Variants in FBXL17 observed in about 807,000 individuals in gnomAD.
The protein encoded by FBXL17 is F-box/LRR-repeat protein 17.
A neutral mutation model predicts 66.2 loss-of-function variants in FBXL17; 22 were observed. The ratio of observed to expected loss-of-function variants is 0.33; its 90% CI spans 0.24 to 0.47. The LOEUF (loss-of-function observed/expected upper bound fraction) is 0.47, where lower values mean the gene tolerates loss of function less well. Ranked by LOEUF, FBXL17 falls within the 20% of genes least tolerant of loss-of-function variation. FBXL17 has a pLI of 1.00. For missense variants in FBXL17, 878 were observed against 948.2 expected (o/e 0.93, Z 0.97); for synonymous variants, 474 against 400.5 (o/e 1.18, Z -2.19).
At chr5:107,883,780 AAC>A (rs1237048907) in intron 7 of FBXL17, among the ~76,000 whole-genome samples, 1 of 152,198 alleles carries the variant, frequency 6.6e-6, no homozygotes, top group Non-Finnish European at 1.5e-5. Flanking sequence ...CAACAACTGT[AAC>A]AGAGGCACGC....
At chr5:107,933,293 G>A (rs1332631448) in intron 7 of FBXL17, among the ~76,000 whole-genome samples, 1 of 152,224 alleles carries the variant, frequency 6.6e-6, no homozygotes, top group Admixed American at 6.5e-5. Flanking sequence ...AGTTTCACAG[G>A]TCTGTTCAAA....
chr5:107,998,912 C>T (rs1753595427), intron 7 of FBXL17, among the ~76,000 whole-genome samples: 1 of 152,176 alleles, frequency 6.6e-6, no homozygotes, highest in African/African-American at 2.4e-5. Flanking sequence ...TTACTCCAAA[C>T]CCCCTTTCCA....
chr5:108,291,617 T>C (rs1430983773), intron 4 of FBXL17, among the ~76,000 whole-genome samples: 2 of 152,220 alleles, frequency 1.3e-5, no homozygotes, highest in East Asian at 3.8e-4. Context: ...TTGGGACCAG[T>C]ATGCTAACTT....
At chr5:108,087,610 T>A (rs561578365) in intron 6 of FBXL17, among the ~76,000 whole-genome samples, 54 of 152,198 alleles carry the variant, frequency 3.5e-4, no homozygotes, top group Non-Finnish European at 7.8e-4. Context: ...CCAATCTCGA[T>A]CTCAGTGTCT....
intron 6 of FBXL17, among the ~76,000 whole-genome samples, chr5:108,112,349 C>A (rs1188041154): frequency 6.6e-6 from 1 of 152,202 alleles, no homozygotes; most frequent in African/African-American, 2.4e-5. Flanking sequence ...AAATGACCTG[C>A]TAATTCACAG....
chr5:108,205,082 A>AT (rs1187960056), intron 5 of FBXL17, among the ~76,000 whole-genome samples: 74 of 130,562 alleles, frequency 5.7e-4, no homozygotes, highest in African/African-American at 2.0e-3. Flanking sequence ...GCTAATTTCT[A>AT]ATTTTTTTTT....
intron 6 of FBXL17, among the ~76,000 whole-genome samples, chr5:108,049,863 C>A (rs979710123): frequency 1.3e-5 from 2 of 152,038 alleles, no homozygotes; most frequent in African/African-American, 4.8e-5. Context: ...CAAAGACACA[C>A]TATACAAAAT....
intron 6 of FBXL17, among the ~76,000 whole-genome samples, chr5:108,172,949 G>A (rs1280309549): frequency 6.6e-6 from 1 of 152,054 alleles, no homozygotes; most frequent in Admixed American, 6.6e-5. Context: ...ACAGGTGTGA[G>A]CCACCACACC....
intron 1 of FBXL17, 122 bp downstream of exon 1, chr5:108,380,577 C>G (rs1324376988): frequency 3.8e-6 from 2 of 532,206 alleles, no homozygotes; most frequent in Non-Finnish European, 5.9e-6. Flanking sequence ...CCCCTTGGGA[C>G]GTCCCTAGGC....
At chr5:108,086,717 C>A (rs180874980) in intron 6 of FBXL17, among the ~76,000 whole-genome samples, 26 of 152,262 alleles carry the variant, frequency 1.7e-4, no homozygotes, top group African/African-American at 6.0e-4. Context: ...TATGCCACCA[C>A]ACCCAGCTAA....
chr5:108,198,532 A>C (rs1753769649), intron 5 of FBXL17, among the ~76,000 whole-genome samples: 1 of 152,132 alleles, frequency 6.6e-6, no homozygotes, highest in African/African-American at 2.4e-5. Context: ...CCTGTCATGG[A>C]TAGTGAAGGA....
At chr5:108,306,552 A>G (rs1193080050) in intron 4 of FBXL17, among the ~76,000 whole-genome samples, 1 of 152,122 alleles carries the variant, frequency 6.6e-6, no homozygotes, top group Non-Finnish European at 1.5e-5. Context: ...TAAACTAGAC[A>G]AAATATTTAA....
At chr5:108,071,306 T>C (rs562613254) in intron 6 of FBXL17, among the ~76,000 whole-genome samples, 145 of 152,342 alleles carry the variant, frequency 9.5e-4, no homozygotes, top group African/African-American at 3.2e-3. Context: ...GTTTAAGGCA[T>C]TGGAGCATAA....
At chr5:107,897,788 TA>T (rs1334449654) in intron 7 of FBXL17, among the ~76,000 whole-genome samples, 1,801 of 143,704 alleles carry the variant, frequency 0.013, 39 homozygotes, top group African/African-American at 0.041. Flanking sequence ...TTCTTATTAT[TA>T]AAAAAAAAAA....
Position 108,111,542 on chromosome 5 carries a change from T to G in FBXL17, c.1745+74575A>C, listed in dbSNP as rs369268236. Among the ~76,000 whole-genome samples, 8 of 152,232 alleles carry G rather than the reference T, an allele frequency of 5.3e-5. No homozygotes were observed. The East Asian group carries it at 1.5e-3, about 29-fold the overall frequency. On this transcript the variant is annotated intron_variant, in intron 6 of 8. Coordinates refer to ENST00000542267, the MANE Select transcript of FBXL17 (RefSeq NM_001163315.3). ...GAATATGCTTATAAATTAGCTACAC[T>G]ATCATTCATTCTTAAGTATTTATTG...
intron 4 of FBXL17, among the ~76,000 whole-genome samples, chr5:108,291,745 T>G (rs1245130962): frequency 4.0e-5 from 6 of 151,776 alleles, no homozygotes; most frequent in Non-Finnish European, 7.4e-5. Context: ...AGTCCTCCCA[T>G]TCCCAAAACT....
At chr5:108,283,079 A>G (rs1403210676) in intron 4 of FBXL17, among the ~76,000 whole-genome samples, 1 of 151,826 alleles carries the variant, frequency 6.6e-6, no homozygotes, top group Non-Finnish European at 1.5e-5. Context: ...CACACTGCCT[A>G]AAACAATCTA....
chr5:108,265,511 T>C (rs1239884914), intron 4 of FBXL17, among the ~76,000 whole-genome samples: 1 of 152,166 alleles, frequency 6.6e-6, no homozygotes, highest in Non-Finnish European at 1.5e-5. Context: ...AAAAACATCC[T>C]ATCTGTGATT....
chr5:108,338,717 T>C (rs1746676580), intron 4 of FBXL17, among the ~76,000 whole-genome samples: 1 of 139,164 alleles, frequency 7.2e-6, no homozygotes, highest in South Asian at 2.3e-4. Flanking sequence ...TTCTTGGCTA[T>C]TAAAATCTGG....
Sources: allele counts gnomAD v4.1 joint callset (sites outside exome capture counted in the v4.1 genomes callset), GRCh38; gene constraint gnomAD v4.1.1; transcripts MANE v1.5; gene names NCBI Gene and HGNC (gene_info 2026-07-23, HGNC 2026-07-21).